PSD3: variants seen among roughly 807,000 people sequenced by gnomAD.
PSD3 encodes PH and SEC7 domain-containing protein 3.
PSD3 carries 49 observed loss-of-function variants against 105.5 expected under a neutral mutation model. The ratio of observed to expected loss-of-function variants is 0.46; its 90% confidence interval spans 0.37 to 0.59. The LOEUF (loss-of-function observed/expected upper bound fraction) is 0.59. PSD3 is among the 20% of genes least tolerant of loss of function. The pLI, the probability that PSD3 is intolerant of heterozygous loss-of-function variation, is 0.00. For missense variants in PSD3, 1,561 were observed against 1,263.8 expected, an observed-to-expected ratio of 1.24 and a Z score of -3.57; for synonymous variants, 557 against 457.8, an observed-to-expected ratio of 1.22 and a Z score of -2.77.
intron 1 of PSD3, among the ~76,000 whole-genome samples, chr8:19,034,434 G>T (rs1252194466): frequency 6.6e-6 from 1 of 152,112 alleles, no homozygotes; most frequent in Admixed American, 6.5e-5. Flanking sequence ...TTTTTAACAG[G>T]TGGTCATCCA....
At chr8:18,719,612 A>C (rs1802822928) in intron 9 of PSD3, among the ~76,000 whole-genome samples, 1 of 152,226 alleles carries the variant, frequency 6.6e-6, no homozygotes, top group Non-Finnish European at 1.5e-5. Flanking sequence ...CCCCTTGTTC[A>C]ACATCCTAAT....
chr8:19,055,068 C>T (rs1360924416), intron 1 of PSD3, among the ~76,000 whole-genome samples: 1 of 152,136 alleles, frequency 6.6e-6, no homozygotes, highest in Non-Finnish European at 1.5e-5. Context: ...GCTCTGATTC[C>T]TCTACTTGAT....
chr8:18,988,472 CG>C (rs1036134252), intron 1 of PSD3, among the ~76,000 whole-genome samples: 6 of 152,154 alleles, frequency 3.9e-5, no homozygotes, highest in African/African-American at 1.4e-4. Flanking sequence ...TCAGGGAAGG[CG>C]GCATTTCTAG....
In PSD3 at chr8:18,987,287, T is replaced by A. The variant is rs577122634; in HGVS notation, c.21+26276A>T. 3.0e-4 allele frequency among the ~76,000 whole-genome samples: 45 copies of A among 150,836 alleles called. 1 individual carries two copies. The highest frequency in any genetic ancestry group is 6.3e-4 in the South Asian group (3 of 4,782). ...AAATTTATTTTCTTTTTTATTTTTT[T>A]TTTTATATATATTTTTTTAAGACGG... On this transcript the variant is annotated intron_variant, in intron 1 of 15. Coordinates refer to ENST00000327040, the MANE Select transcript of PSD3 (RefSeq NM_015310.4).
intron 1 of PSD3, among the ~76,000 whole-genome samples, chr8:18,952,981 T>A (rs560509355): frequency 6.6e-6 from 1 of 152,220 alleles, no homozygotes; most frequent in African/African-American, 2.4e-5. Context: ...TGAGTAAACA[T>A]CTGCAACATA....
chr8:19,040,174 A>G (rs1189256942), intron 1 of PSD3, among the ~76,000 whole-genome samples: 1 of 152,172 alleles, frequency 6.6e-6, no homozygotes, highest in Non-Finnish European at 1.5e-5. Flanking sequence ...CTCAGAGGCC[A>G]TGGTAAGGCT....
At chr8:18,912,826 C>T (rs1820320994) in intron 2 of PSD3, among the ~76,000 whole-genome samples, 2 of 152,150 alleles carry the variant, frequency 1.3e-5, no homozygotes, top group Admixed American at 1.3e-4. Flanking sequence ...TATCTACCCA[C>T]TATTCCCAAA....
intron 9 of PSD3, among the ~76,000 whole-genome samples, chr8:18,657,593 T>C (rs1231383691): frequency 6.6e-6 from 1 of 152,242 alleles, no homozygotes; most frequent in Non-Finnish European, 1.5e-5. Context: ...TCAGGATTAC[T>C]GAAGAGATCC....
intron 11 of PSD3, among the ~76,000 whole-genome samples, chr8:18,604,205 T>C (rs902980849): frequency 1.3e-5 from 2 of 152,284 alleles, no homozygotes; most frequent in South Asian, 2.1e-4. Context: ...GGCAGTGATA[T>C]GGACAGCAAA....
At chr8:19,041,562 A>G (rs192883246) in intron 1 of PSD3, among the ~76,000 whole-genome samples, 23 of 152,358 alleles carry the variant, frequency 1.5e-4, no homozygotes, top group Admixed American at 3.9e-4. Context: ...CCAGTGTGCT[A>G]TGTCACTTTT....
chr8:18,733,285 T>C (rs1339353381), intron 9 of PSD3: 1 of 152,206 alleles, frequency 6.6e-6, no homozygotes, highest in African/African-American at 2.4e-5. Context: ...TTTAGGGTCA[T>C]AATTGTATAA....
chr8:18,598,593 C>A (rs569354178), intron 12 of PSD3, among the ~76,000 whole-genome samples: 183 of 152,164 alleles, frequency 1.2e-3, no homozygotes, highest in African/African-American at 4.2e-3. Flanking sequence ...ATATTAATAT[C>A]CTTTCATGAT....
At chr8:18,576,908 C>T (rs923005101) in intron 12 of PSD3, among the ~76,000 whole-genome samples, 39 of 149,166 alleles carry the variant, frequency 2.6e-4, no homozygotes, top group African/African-American at 9.4e-4. Flanking sequence ...TTTTTATATT[C>T]TAGGTCCATG....
At chr8:19,001,569 C>T (rs1826400413) in intron 1 of PSD3, 3 of 151,974 alleles carry the variant, frequency 2.0e-5, no homozygotes, top group African/African-American at 7.2e-5. Context: ...CTGCTCGGTG[C>T]AAAGGCCTTT....
In PSD3 at chr8:18,804,506, G is replaced by A. The variant is rs372865615; in HGVS notation, c.1910+16C>T. Reference sequence around the variant, plus strand: ...ATTTGAAAGCAATGACGAGCAGCAAGGAGGCTTAGTCATACCTGAGTGACT... The same window carrying A: ...ATTTGAAAGCAATGACGAGCAGCAAAGAGGCTTAGTCATACCTGAGTGACT... On this transcript the variant is annotated intron_variant, in intron 6 of 15. Coordinates refer to ENST00000327040, the MANE Select transcript of PSD3 (RefSeq NM_015310.4). 25 of 1,570,666 alleles carry A rather than the reference G, an allele frequency of 1.6e-5. No homozygotes were observed. The African/African-American group carries it at 2.6e-4, about 16-fold the overall frequency.
chr8:18,711,714 A>G lies in PSD3; in HGVS notation c.2172+53735T>C, dbSNP rs554227055. Among the ~76,000 whole-genome samples the G allele has an allele frequency of 5.3e-5, 8 of 152,318 alleles. No homozygotes were observed. The East Asian group carries it at 1.5e-3, about 29-fold the overall frequency. ...TAACACCCCATTGACAATATCAGACAGATCGTCAAGAGAGAAAATTAACAA... is the reference window on the plus strand; with the variant it reads ...TAACACCCCATTGACAATATCAGACGGATCGTCAAGAGAGAAAATTAACAA... On this transcript the variant is annotated intron_variant, in intron 9 of 15. Transcript: ENST00000327040.
chr8:18,828,076 T>C lies in PSD3; in HGVS notation c.1635-23178A>G, dbSNP rs1002737341. On this transcript the variant is annotated intron_variant, in intron 4 of 15. Transcript: ENST00000327040. ...ATATATATATATATATATTTTTTTT[T>C]TTTTACAAAAAAAATGAGGTTAATG... Among the ~76,000 whole-genome samples, 101 of 145,150 alleles carry C rather than the reference T, an allele frequency of 7.0e-4. 2 individuals are homozygous for C. Among genetic ancestry groups the C allele is most frequent in the Non-Finnish European group, 2.9e-4 (19 of 66,548 alleles).
At chr8:18,634,232 G>C (rs1029829442) in intron 10 of PSD3, among the ~76,000 whole-genome samples, 3 of 152,036 alleles carry the variant, frequency 2.0e-5, no homozygotes, top group African/African-American at 4.8e-5. Context: ...AGAAGTGTTT[G>C]ATAATGACGG....
At chr8:18,830,620 T>C (rs907984102) in intron 4 of PSD3, among the ~76,000 whole-genome samples, 17 of 152,220 alleles carry the variant, frequency 1.1e-4, no homozygotes, top group African/African-American at 3.1e-4. Flanking sequence ...CTTTCATTTG[T>C]TGGCTTTTGG....
Sources: gnomAD v4.1 joint callset for allele counts (sites outside exome capture counted in the v4.1 genomes callset) on GRCh38, gnomAD v4.1.1 for gene constraint, MANE v1.5 for transcripts, NCBI Gene and HGNC (gene_info 2026-07-23, HGNC 2026-07-21) for gene names.